Variants in NLRP11 observed in about 807,000 individuals in gnomAD.
NLRP11 encodes NACHT, LRR and PYD domains-containing protein 11.
Under a neutral mutation model 79.3 loss-of-function variants are expected in NLRP11, and 53 were observed. The ratio of observed to expected loss-of-function variants is 0.67; its 90% CI spans 0.54 to 0.84. The LOEUF is 0.84. Ranked by LOEUF, NLRP11 falls within the 40% of genes least tolerant of loss-of-function variation. The probability of loss-of-function intolerance (pLI) is 0.00; values close to 1 mark genes in which losing one functional copy is unlikely to be tolerated. For missense variants in NLRP11, 1,264 were observed against 1,255.0 expected (o/e 1.01, Z -0.11); for synonymous variants, 518 against 462.6 (o/e 1.12, Z -1.54).
intron 7 of NLRP11, among the ~76,000 whole-genome samples, chr19:55,790,689 G>A (rs909165660): frequency 4.6e-5 from 7 of 152,116 alleles, no homozygotes; most frequent in Non-Finnish European, 5.9e-5. Context: ...TATAAAAGTT[G>A]GGTGGTGCAT....
chr19:55,790,124 T>C (rs1463970475), intron 7 of NLRP11, among the ~76,000 whole-genome samples: 1 of 152,180 alleles, frequency 6.6e-6, no homozygotes, highest in Non-Finnish European at 1.5e-5. Flanking sequence ...AAATGTCCCC[T>C]TGTCAATGAG....
Position 55,809,910 on chromosome 19 carries a change from T to A in NLRP11, c.700A>T (p.Ile234Leu), listed in dbSNP as rs763042302. The change falls in exon 3 of 10, where the codon ATA becomes TTA. Residue 234 changes from isoleucine to leucine, a missense_variant. Coordinates refer to ENST00000589093, the Ensembl canonical transcript of NLRP11. This position sits in a 1 kb window ranked among gnomAD's most constrained non-coding sequence, Gnocchi z 4.5. Reference sequence around the variant, plus strand: ...TCATTGACATTTAACTCGAATCTTATGTTGTCCAAGTCCTCGAGGATGAAA... The same window carrying A: ...TCATTGACATTTAACTCGAATCTTAAGTTGTCCAAGTCCTCGAGGATGAAA... 9.9e-6 allele frequency: 16 copies of A among 1,614,154 alleles called. No individual in the cohort carries two copies. In the South Asian group the frequency reaches 1.8e-4, roughly 18 times the overall value.
intron 4 of NLRP11, among the ~76,000 whole-genome samples, 182 bp from the exon 5 acceptor site, chr19:55,801,921 C>T (rs1401421157): frequency 2.0e-5 from 3 of 152,176 alleles, no homozygotes; most frequent in Non-Finnish European, 4.4e-5. Context: ...CAAGGTCAGC[C>T]TGTTGACTTT....
chr19:55,818,231 T>C (rs1014490255), exon 2 of NLRP11: 40 of 1,404,908 alleles, frequency 2.8e-5, no homozygotes, highest in Non-Finnish European at 3.8e-5. Context: ...ACAAGAAATA[T>C]GAGATCTAAA....
intron 1 of NLRP11, among the ~76,000 whole-genome samples, chr19:55,822,084 C>A (rs1981799656): frequency 6.6e-6 from 1 of 152,074 alleles, no homozygotes; most frequent in South Asian, 2.1e-4. Context: ...CATGATGAAA[C>A]CCCATCTCTA....
At chr19:55,810,734 G>A (rs1190016697) in intron 2 of NLRP11, among the ~76,000 whole-genome samples, 2 of 152,184 alleles carry the variant, frequency 1.3e-5, no homozygotes, top group African/African-American at 2.4e-5. Context: ...CTGGCCTCAG[G>A]TGATCCACCT....
In NLRP11 at chr19:55,817,820, G is replaced by GGAAAAAAAAAAAAA. The variant is rs1555803816; in HGVS notation, c.271+83_271+84insTTTTTTTTTTTTTC. The GGAAAAAAAAAAAAA allele has an allele frequency of 9.6e-6, 8 of 836,794 alleles. 3 individuals carry two copies. The African/African-American group carries it at 1.4e-4, about 14-fold the overall frequency. The allele number at this position is 836,794 out of a possible 1,614,324, so 51.8% of individuals were successfully genotyped here. A position where few individuals can be genotyped will look rare whatever the true frequency, so the allele number is the denominator to read the frequency against. On this transcript the variant is annotated intron_variant, in intron 2 of 9. Coordinates refer to ENST00000589093, the Ensembl canonical transcript of NLRP11. ...CACCTGCTTCCCAGAAACCTATTTA[G>GGAAAAAAAAAAAAA]AAAAAAAAAAAAAAAAAGGCCCAAC... is the stretch of plus-strand genomic sequence containing the variant.
At chr19:55,801,111 A>G (rs1264032743) in intron 5 of NLRP11, 2 of 152,766 alleles carry the variant, frequency 1.3e-5, no homozygotes, top group African/African-American at 4.8e-5. Flanking sequence ...CCTGGAAGTC[A>G]GAGGTTGCGG....
At chr19:55,813,126 G>C (rs1013903042) in intron 2 of NLRP11, among the ~76,000 whole-genome samples, 6 of 152,054 alleles carry the variant, frequency 3.9e-5, no homozygotes, top group Non-Finnish European at 8.8e-5. Context: ...TCAGGAGTTC[G>C]AGACCAGCCT....
chr19:55,811,095 C>T (rs886228799), intron 2 of NLRP11, among the ~76,000 whole-genome samples: 10 of 152,148 alleles, frequency 6.6e-5, no homozygotes, highest in Admixed American at 5.2e-4. Flanking sequence ...ATGAGTTACA[C>T]GTTCATCTTC....
intron 1 of NLRP11, among the ~76,000 whole-genome samples, chr19:55,820,855 T>C (rs1033583975): frequency 1.3e-5 from 2 of 152,154 alleles, no homozygotes; most frequent in African/African-American, 4.8e-5. Context: ...AGGTGTCGTG[T>C]TGGCTGAAGC....
Position 55,809,502 on chromosome 19 carries a change from G to A in NLRP11, c.1108C>T (p.His370Tyr), listed in dbSNP as rs1980366210. Residue 370 changes from histidine to tyrosine, a missense_variant, in exon 3 of 10, where the codon CAT becomes TAT. By Grantham distance (83) the His-to-Tyr change is moderately conservative. Coordinates refer to ENST00000589093, the Ensembl canonical transcript of NLRP11. The surrounding 1 kb of genome is among the most constrained non-coding windows in gnomAD (Gnocchi z 4.5). ...AACGCATCAGCAAGAAAGTGGGCAT[G>A]TAGATCAGTGGGTGTTTGGCAGCAG... 8 of 1,614,064 alleles carry A rather than the reference G, an allele frequency of 5.0e-6. No individual in the cohort carries two copies. The highest frequency in any genetic ancestry group is 1.7e-5 in the Admixed American group (1 of 60,008).
chr19:55,810,955 G>A (rs532924780), intron 2 of NLRP11, among the ~76,000 whole-genome samples: 14 of 152,042 alleles, frequency 9.2e-5, no homozygotes, highest in South Asian at 2.1e-4. Context: ...GTTCCTTAGC[G>A]TTTTAGGTAG....
At chr19:55,797,996 A>ATTT (rs1160488515) in intron 5 of NLRP11, among the ~76,000 whole-genome samples, 6 of 29,998 alleles carry the variant, frequency 2.0e-4, no homozygotes, top group African/African-American at 5.3e-4. Context: ...CTATATTATT[A>ATTT]TTATTTTTTT....
chr19:55,805,326 G>C (rs1232685734), intron 4 of NLRP11, among the ~76,000 whole-genome samples: 1 of 151,934 alleles, frequency 6.6e-6, no homozygotes, highest in Non-Finnish European at 1.5e-5. Context: ...GGAGGATTGA[G>C]GATCCTATGG....
intron 6 of NLRP11, 125 bp downstream of exon 6, chr19:55,795,955 C>T (rs950878347): frequency 1.7e-5 from 14 of 844,332 alleles, no homozygotes; most frequent in African/African-American, 1.0e-4. Flanking sequence ...TACTGAACTC[C>T]AAAGACTGTG....
At position 55,804,941 on chromosome 19, in the gene NLRP11, T is replaced by C. The variant is rs578063385; in HGVS notation, c.2003+2912A>G. ...AGCCAGGCGTGGTGGCGTGCACCTCTAGTCCCAGCTACTCAGGAGGCTGAG... is the reference window on the plus strand; with the variant it reads ...AGCCAGGCGTGGTGGCGTGCACCTCCAGTCCCAGCTACTCAGGAGGCTGAG... On this transcript the variant is annotated intron_variant, in intron 4 of 9. Coordinates refer to ENST00000589093, the Ensembl canonical transcript of NLRP11. Among the ~76,000 whole-genome samples, 31 of 152,242 alleles carry C rather than the reference T, an allele frequency of 2.0e-4. No homozygotes were observed. In the South Asian group the frequency reaches 5.8e-3, roughly 29 times the overall value.
rs2616940 is a variant in NLRP11 at position 55,796,217 on chromosome 19, A to T, written c.2205T>A (p.Cys735Ter). The change falls in exon 6 of 10, where the codon TGT becomes TGA. Residue 735 changes from cysteine to a stop codon, truncating the protein, a stop_gained. Transcript: ENST00000589093. LOFTEE classifies it high-confidence loss of function. ...TGATGAGGAGAGAGGCGATTTCTTC[A>T]CATTCGCTGGCTCGCAAATCACATT... The T allele has an allele frequency of 6.2e-7, 1 of 1,613,322 alleles. No individual in the cohort carries two copies. Among genetic ancestry groups the T allele is most frequent in the East Asian group, 2.2e-5 (1 of 44,824 alleles).
At chr19:55,800,544 G>A (rs1979381045) in intron 5 of NLRP11, among the ~76,000 whole-genome samples, 2 of 152,108 alleles carry the variant, frequency 1.3e-5, no homozygotes, top group Admixed American at 1.3e-4. Context: ...TTGAATTCCT[G>A]ACCTCAAGTG....
Sources: gnomAD v4.1 joint callset for allele counts (sites outside exome capture counted in the v4.1 genomes callset) on GRCh38, gnomAD v4.1.1 for gene constraint, Gnocchi (gnomAD v3.1) non-coding constraint, MANE v1.5 for transcripts, NCBI Gene and HGNC (gene_info 2026-07-23, HGNC 2026-07-21) for gene names.